The following RELCH variants were observed in gnomAD, a reference collection of about 807,000 sequenced individuals.
The protein encoded by RELCH is RAB11-binding protein RELCH.
In RELCH, 41 loss-of-function variants were observed where a neutral mutation model predicts 150.3. The ratio of observed to expected loss-of-function variants is 0.27; its 90% CI spans 0.21 to 0.35. The LOEUF (loss-of-function observed/expected upper bound fraction) is 0.35. Among genes scored for constraint, RELCH ranks in the 10% least tolerant of loss-of-function variants. The probability of loss-of-function intolerance (pLI) is 1.00; values close to 1 mark genes in which losing one functional copy is unlikely to be tolerated. For missense variants in RELCH, 1,092 were observed against 1,467.8 expected (o/e 0.74, Z 4.18); for synonymous variants, 478 against 531.8 (o/e 0.90, Z 1.39).
At chr18:62,211,272 T>A (rs1393149819) in intron 2 of RELCH, 30 bp downstream of exon 2, 1 of 1,301,096 alleles carries the variant, frequency 7.7e-7, no homozygotes, top group Non-Finnish European at 1.1e-6. Context: ...CAGATTTGGA[T>A]TCTTTGACAT....
chr18:62,282,514 C>A, intron 25 of RELCH, 70 bp downstream of exon 25: 1 of 1,471,420 alleles, frequency 6.8e-7, no homozygotes, highest in Non-Finnish European at 9.3e-7. Flanking sequence ...CCTCTGAGGC[C>A]TTGTCATGTA....
chr18:62,288,565 G>A (rs972381384), intron 26 of RELCH, among the ~76,000 whole-genome samples: 2 of 152,108 alleles, frequency 1.3e-5, no homozygotes, highest in African/African-American at 4.8e-5. Context: ...AAAGTTGGAT[G>A]CATGGTTCAG....
At chr18:62,274,594 A>T (rs1332826326) in intron 21 of RELCH, among the ~76,000 whole-genome samples, 7 of 152,192 alleles carry the variant, frequency 4.6e-5, no homozygotes, top group Admixed American at 4.6e-4. Flanking sequence ...TTCCGTATAG[A>T]TGGTTTGAGT....
chr18:62,280,203 A>G (rs909838443), intron 23 of RELCH: 8 of 629,508 alleles, frequency 1.3e-5, no homozygotes, highest in Non-Finnish European at 2.0e-5. Context: ...CAGTAAGTGT[A>G]GTAGCATGAA....
At chr18:62,227,795 T>A in intron 7 of RELCH, 106 bp downstream of exon 7, 2 of 527,858 alleles carry the variant, frequency 3.8e-6, no homozygotes, top group South Asian at 8.1e-5. Flanking sequence ...GCATAATTGC[T>A]TCACATTTTA....
chr18:62,222,707 T>A (rs577523088), intron 5 of RELCH, among the ~76,000 whole-genome samples: 1 of 152,066 alleles, frequency 6.6e-6, no homozygotes, highest in South Asian at 2.1e-4. Context: ...TTGTGCTATG[T>A]TATCAACCAA....
chr18:62,229,816 A>G (rs1219525063), intron 8 of RELCH, among the ~76,000 whole-genome samples: 1 of 152,056 alleles, frequency 6.6e-6, no homozygotes, highest in East Asian at 1.9e-4. Flanking sequence ...GCTTTAGGGG[A>G]ACAAAGAAGG....
At chr18:62,240,414 C>G (rs66507615) in intron 10 of RELCH, among the ~76,000 whole-genome samples, 1 of 140,676 alleles carries the variant, frequency 7.1e-6, no homozygotes, top group African/African-American at 2.6e-5. Flanking sequence ...TTTTCTTTTT[C>G]TTTTTTTTTT....
chr18:62,187,578 G>T lies in RELCH; in HGVS notation c.73G>T (p.Asp25Tyr), dbSNP rs751585155. ...TCCATTTCTCAGTGATTCGGATGAG[G>T]ACGATGACGAGGTAGCTGCAACAGA... ...VNPFLSDSDE[D>Y]DDEVAATEER... The change falls in exon 1 of 29, where the codon GAC (aspartate) becomes TAC (tyrosine). Residue 25 changes from aspartate (D) to tyrosine (Y), a missense_variant. Transcript: ENST00000644646. 4 of 1,527,126 alleles carry T rather than the reference G, an allele frequency of 2.6e-6. No individual in the cohort carries two copies. Among genetic ancestry groups the T allele is most frequent in the Non-Finnish European group, 3.5e-6 (4 of 1,138,044 alleles). 94.6% of individuals were successfully genotyped at this position (1,527,126 alleles called of 1,614,324 possible).
intron 11 of RELCH, chr18:62,246,282 G>A (rs1037722846): frequency 6.6e-6 from 1 of 152,130 alleles, no homozygotes; most frequent in African/African-American, 2.4e-5. Flanking sequence ...TGTAATCTCA[G>A]TAAGCGTCTT....
At position 62,274,050 on chromosome 18, in the gene RELCH, C is replaced by A. The variant is rs368985065; in HGVS notation, c.2831C>A (p.Pro944His). ...VMTLLSLSHA[P>H]LDSLKASFVE... is the part of the protein sequence containing the mutation. The stretch of plus-strand genomic sequence containing the variant: ...ACGCTGCTTTCATTATCTCATGCTC[C>A]TCTTGATAGCCTGAAGGCTTCTTTT... Residue 944 changes from proline to histidine, a missense_variant, in exon 21 of 29, where the codon CCT becomes CAT. Around this residue, in one of 4 missense-constraint regions of RELCH, gnomAD observed 707 missense variants for 1,025.4 expected, o/e 0.69. Coordinates refer to ENST00000644646, the MANE Select transcript of RELCH (RefSeq NM_001346231.2). The A allele has an allele frequency of 2.1e-4, 345 of 1,612,700 alleles. 1 individual carries two copies. The highest frequency in any genetic ancestry group is 1.9e-3 in the South Asian group (169 of 91,034).
intron 13 of RELCH, among the ~76,000 whole-genome samples, 173 bp downstream of exon 13, chr18:62,255,651 A>G (rs181935262): frequency 1.4e-3 from 212 of 152,266 alleles, no homozygotes; most frequent in African/African-American, 3.8e-3. Flanking sequence ...TTGCAGACAC[A>G]TAGGTACATT....
In RELCH at chr18:62,210,690, A is replaced by G. The variant is rs188023047; in HGVS notation, c.527-463A>G. Among the ~76,000 whole-genome samples, 329 of 152,330 alleles carry G rather than the reference A, an allele frequency of 2.2e-3. 1 individual carries two copies. Among genetic ancestry groups the G allele is most frequent in the Middle Eastern group, 3.4e-3 (1 of 294 alleles). ...TTACCATTATGTCCTGGTATCATCT[A>G]GGAGTTGGTCCCATTGATTGTGTTA... On this transcript the variant is annotated intron_variant, in intron 1 of 28. Coordinates refer to ENST00000644646, the MANE Select transcript of RELCH (RefSeq NM_001346231.2).
chr18:62,227,178 C>T, intron 5 of RELCH, 111 bp from the exon 6 acceptor site: 1 of 722,982 alleles, frequency 1.4e-6, no homozygotes, highest in East Asian at 2.8e-5. Context: ...GCCTGCATGA[C>T]ACAGCAAAAC....
intron 1 of RELCH, among the ~76,000 whole-genome samples, chr18:62,194,371 C>T (rs1295763514): frequency 6.6e-6 from 1 of 152,152 alleles, no homozygotes; most frequent in African/African-American, 2.4e-5. Context: ...TTGCCTACCC[C>T]AGAGTTGCAA....
chr18:62,243,557 G>A (rs1450606896), intron 10 of RELCH, among the ~76,000 whole-genome samples: 1 of 151,742 alleles, frequency 6.6e-6, no homozygotes, highest in Non-Finnish European at 1.5e-5. Flanking sequence ...CTATATCTTT[G>A]TACCTTCAAA....
At position 62,227,211 on chromosome 18, in the gene RELCH, A is replaced by G. The variant is rs188679805; in HGVS notation, c.859-78A>G. 5.1e-4 allele frequency: 474 copies of G among 935,786 alleles called. 4 individuals carry two copies. The African/African-American group carries it at 7.1e-3, about 14-fold the overall frequency. 58.0% of individuals were successfully genotyped at this position (935,786 alleles called of 1,614,324 possible). ...AACCGATCTTAAAAAAAAAAAAGATATTAGCAATAATATGAATTTCAAAAA... is the reference window on the plus strand; with the variant it reads ...AACCGATCTTAAAAAAAAAAAAGATGTTAGCAATAATATGAATTTCAAAAA... On this transcript the variant is annotated intron_variant, in intron 5 of 28. Coordinates refer to ENST00000644646, the MANE Select transcript of RELCH (RefSeq NM_001346231.2).
At chr18:62,210,641 T>C (rs1342947232) in intron 1 of RELCH, among the ~76,000 whole-genome samples, 1 of 152,248 alleles carries the variant, frequency 6.6e-6, no homozygotes, top group Non-Finnish European at 1.5e-5. Flanking sequence ...ATACTAGCTA[T>C]AATAAAATCT....
At position 62,248,934 on chromosome 18, in the gene RELCH, C is replaced by T. The variant is rs79160020; in HGVS notation, c.1734-3730C>T. Among the ~76,000 whole-genome samples the T allele has an allele frequency of 2.0e-3, 303 of 152,220 alleles. 7 individuals are homozygous for T. The highest frequency in any genetic ancestry group is 0.017 in the East Asian group (89 of 5,182). ...TAGCTATCTACCTCAAATCATAAAA[C>T]ATTTAAATATTAAGTGAAGCTGTAC... On this transcript the variant is annotated intron_variant, in intron 11 of 28. Transcript: ENST00000644646.
Sources: gnomAD v4.1 joint callset for allele counts (sites outside exome capture counted in the v4.1 genomes callset) on GRCh38, gnomAD v4.1.1 for gene constraint, gnomAD v4.1.1 regional missense constraint, MANE v1.5 for transcripts, NCBI Gene and HGNC (gene_info 2026-07-23, HGNC 2026-07-21) for gene names.